Variants in DTNBP1 observed in about 807,000 individuals in gnomAD.
The protein encoded by DTNBP1 is dystrobrevin binding protein 1, also known as dysbindin.
DTNBP1 carries 35 observed loss-of-function variants against 42.8 expected under a neutral mutation model. The observed-to-expected ratio is 0.82, with a 90% CI of 0.63 to 1.09. The LOEUF (loss-of-function observed/expected upper bound fraction) is 1.09, where lower values mean the gene tolerates loss of function less well. Among genes scored for constraint, DTNBP1 ranks in the 50% least tolerant of loss-of-function variants. DTNBP1 has a pLI of 0.00. For synonymous variants in DTNBP1, 171 were observed against 162.2 expected, an observed-to-expected ratio of 1.05 and a Z score of -0.41; for missense variants, 457 against 424.2, an observed-to-expected ratio of 1.08 and a Z score of -0.68.
intron 4 of DTNBP1, among the ~76,000 whole-genome samples, chr6:15,635,069 G>A (rs531198070): frequency 6.6e-6 from 1 of 152,238 alleles, no homozygotes; most frequent in African/African-American, 2.4e-5. Context: ...TCATTTATAA[G>A]TGATCTATCT....
intron 6 of DTNBP1, among the ~76,000 whole-genome samples, chr6:15,609,705 T>C (rs1268215287): frequency 6.6e-6 from 1 of 152,232 alleles, no homozygotes; most frequent in Non-Finnish European, 1.5e-5. Context: ...AGTCTACGTA[T>C]TTCAGTTGTT....
chr6:15,548,992 A>G (rs1376376435), intron 7 of DTNBP1, among the ~76,000 whole-genome samples: 2 of 152,184 alleles, frequency 1.3e-5, no homozygotes, highest in Non-Finnish European at 2.9e-5. Flanking sequence ...CACTTGACAA[A>G]TGTGGACTAA....
intron 7 of DTNBP1, among the ~76,000 whole-genome samples, chr6:15,549,911 A>C (rs1774115202): frequency 6.6e-6 from 1 of 152,144 alleles, no homozygotes; most frequent in Non-Finnish European, 1.5e-5. Flanking sequence ...AATCACTTTC[A>C]ATCTTTTTGG....
intron 8 of DTNBP1, among the ~76,000 whole-genome samples, chr6:15,530,915 T>C (rs1371766996): frequency 6.6e-6 from 1 of 152,180 alleles, no homozygotes; most frequent in Non-Finnish European, 1.5e-5. Context: ...GGACTGAATG[T>C]GTCCCCATAA....
At chr6:15,598,089 G>A (rs1404221589) in intron 6 of DTNBP1, among the ~76,000 whole-genome samples, 1 of 151,940 alleles carries the variant, frequency 6.6e-6, no homozygotes, top group African/African-American at 2.4e-5. Context: ...ATAACAGCAG[G>A]ATCAAAAGCT....
At chr6:15,650,993 A>T (rs1393638196) in intron 3 of DTNBP1, among the ~76,000 whole-genome samples, 1 of 152,220 alleles carries the variant, frequency 6.6e-6, no homozygotes, top group Non-Finnish European at 1.5e-5. Context: ...GAAATGACAT[A>T]AGAATCAAAG....
chr6:15,606,158 T>C (rs1436708001), intron 6 of DTNBP1, among the ~76,000 whole-genome samples: 1 of 152,248 alleles, frequency 6.6e-6, no homozygotes, highest in Non-Finnish European at 1.5e-5. Flanking sequence ...AGGCTGTATA[T>C]TTCCCTACCC....
chr6:15,617,427 A>AAAAT (rs1758775544), intron 5 of DTNBP1, among the ~76,000 whole-genome samples: 1 of 152,202 alleles, frequency 6.6e-6, no homozygotes, highest in Non-Finnish European at 1.5e-5. Flanking sequence ...ATCCTGAGTT[A>AAAAT]AAATAACAAA....
chr6:15,627,804 A>G (rs1275440417), intron 4 of DTNBP1, among the ~76,000 whole-genome samples: 1 of 151,398 alleles, frequency 6.6e-6, no homozygotes, highest in Non-Finnish European at 1.5e-5. Context: ...AAAAAAAAAC[A>G]AAAACAAAAA....
chr6:15,585,723 A>T (rs1776052277), intron 7 of DTNBP1: 10 of 1,535,146 alleles, frequency 6.5e-6, no homozygotes, highest in Non-Finnish European at 8.7e-6. Context: ...ACCTACAGGG[A>T]TCCCTCTGAC....
At chr6:15,640,227 G>T (rs189021166) in intron 3 of DTNBP1, among the ~76,000 whole-genome samples, 2 of 152,264 alleles carry the variant, frequency 1.3e-5, no homozygotes, top group Non-Finnish European at 2.9e-5. Flanking sequence ...CTATTAGATT[G>T]TTCCCTGAAG....
chr6:15,541,299 C>CCAAATATGCAG (rs377619543), intron 7 of DTNBP1, among the ~76,000 whole-genome samples: 2,053 of 152,150 alleles, frequency 0.013, 47 homozygotes, highest in African/African-American at 0.048. Flanking sequence ...AAGAAAACAA[C>CCAAATATGCAG]CAAATATGGG....
chr6:15,624,270 T>C (rs562911150), intron 5 of DTNBP1, among the ~76,000 whole-genome samples: 1 of 152,348 alleles, frequency 6.6e-6, no homozygotes, highest in South Asian at 2.1e-4. Flanking sequence ...GAAGTTGGAT[T>C]GGGAGCCAAA....
chr6:15,541,159 A>G (rs1297691719), intron 7 of DTNBP1, among the ~76,000 whole-genome samples: 1 of 152,152 alleles, frequency 6.6e-6, no homozygotes. Context: ...ACTATGAAAA[A>G]GCACAAAGCG....
intron 7 of DTNBP1, among the ~76,000 whole-genome samples, chr6:15,541,188 T>A (rs1773541186): frequency 6.6e-6 from 1 of 152,140 alleles, no homozygotes; most frequent in Admixed American, 6.5e-5. Flanking sequence ...AAAATAACTT[T>A]GCTGCCCAAC....
chr6:15,532,551 G>A (rs1413309886), intron 8 of DTNBP1, among the ~76,000 whole-genome samples: 2 of 152,116 alleles, frequency 1.3e-5, no homozygotes, highest in African/African-American at 4.8e-5. Flanking sequence ...ATACCAATTA[G>A]ATAAGCAGAC....
chr6:15,561,513 T>C (rs893770937), intron 7 of DTNBP1, among the ~76,000 whole-genome samples: 1 of 152,134 alleles, frequency 6.6e-6, no homozygotes, highest in African/African-American at 2.4e-5. Flanking sequence ...ACCAAGCATC[T>C]CTCTACCGTG....
At chr6:15,586,321 A>G (rs1168674540) in intron 7 of DTNBP1, among the ~76,000 whole-genome samples, 1 of 152,146 alleles carries the variant, frequency 6.6e-6, no homozygotes, top group African/African-American at 2.4e-5. Flanking sequence ...TATATTTTTA[A>G]TAAGTATCTT....
At chr6:15,568,987 C>A (rs1446073524) in intron 7 of DTNBP1, among the ~76,000 whole-genome samples, 6 of 152,136 alleles carry the variant, frequency 3.9e-5, no homozygotes, top group Admixed American at 3.9e-4. Flanking sequence ...GTCAACTGTA[C>A]TTTTTTCCCC....
Sources: gnomAD v4.1 joint callset for allele counts (sites outside exome capture counted in the v4.1 genomes callset) on GRCh38, gnomAD v4.1.1 for gene constraint, MANE v1.5 for transcripts, NCBI Gene and HGNC (gene_info 2026-07-23, HGNC 2026-07-21) for gene names.